Variants in TEX35 observed in about 807,000 individuals in gnomAD.
The protein encoded by TEX35 is testis expressed 35.
A neutral mutation model predicts 31.9 loss-of-function variants in TEX35; 26 were observed. The observed-to-expected ratio is 0.81, with a 90% CI of 0.60 to 1.13. The LOEUF is 1.13. Ranked by LOEUF, TEX35 falls within the 50% of genes most tolerant of loss-of-function variation. The pLI, the probability that TEX35 is intolerant of heterozygous loss-of-function variation, is 0.00. For missense variants in TEX35, 278 were observed against 273.5 expected (o/e 1.02, Z -0.12); for synonymous variants, 87 against 90.7 (o/e 0.96, Z 0.23).
At chr1:178,521,074 C>A in intron 7 of TEX35, 148 bp from the exon 8 acceptor site, 1 of 1,570,752 alleles carries the variant, frequency 6.4e-7, no homozygotes, top group Non-Finnish European at 8.6e-7. Flanking sequence ...TGTGACCATG[C>A]AGGACTTGAC....
rs561267951 is a variant in TEX35 at position 178,521,673 on chromosome 1, G to A, written c.586+409G>A. 2.1e-5 allele frequency: 33 copies of A among 1,551,980 alleles called. 2 individuals are homozygous for A. The South Asian group carries it at 2.7e-4, about 13-fold the overall frequency. On this transcript the variant is annotated intron_variant, in intron 8 of 8. Transcript: ENST00000319416. ...ATCGAATATGTGTTTCCAACCTAGCGCAGCTGCAGAACCTACCAGCAGTTC... is the reference window on the plus strand; with the variant it reads ...ATCGAATATGTGTTTCCAACCTAGCACAGCTGCAGAACCTACCAGCAGTTC...
intron 2 of TEX35, 68 bp from the exon 3 acceptor site, chr1:178,514,632 T>C: frequency 2.0e-6 from 3 of 1,485,124 alleles, no homozygotes; most frequent in Non-Finnish European, 2.8e-6. Context: ...GGGGGATCTC[T>C]TCTGCCTCTG....
rs73040014 is a variant in TEX35, at chr1:178,520,597, G to A, written c.342-76G>A. ...GAGTCAAGGCCTTCCATGGCCACCC[G>A]TGTACTGGTTATCTCCTTGTCATGC... On this transcript the variant is annotated intron_variant, in intron 6 of 8. Coordinates refer to ENST00000319416, the MANE Select transcript of TEX35 (RefSeq NM_032126.5). 5,334 of 1,591,832 alleles carry A rather than the reference G, an allele frequency of 3.4e-3. 151 individuals are homozygous for A. The African/African-American group carries it at 0.063, about 19-fold the overall frequency.
At chr1:178,521,645 G>A (rs1650282987) in intron 8 of TEX35, 2 of 1,552,140 alleles carry the variant, frequency 1.3e-6, no homozygotes, top group African/African-American at 2.7e-5. Flanking sequence ...CAACCCCGGT[G>A]ACATCGAATA....
At position 178,520,649 on chromosome 1, in the gene TEX35, C is replaced by T. The variant is rs377167543; in HGVS notation, c.342-24C>T. 3.1e-6 allele frequency: 5 copies of T among 1,610,886 alleles called. No individual in the cohort carries two copies. The African/African-American group carries it at 4.0e-5, about 13-fold the overall frequency. On this transcript the variant is annotated intron_variant, in intron 6 of 8. Coordinates refer to ENST00000319416, the MANE Select transcript of TEX35 (RefSeq NM_032126.5). ...GCAAAATGTCTCCCCAACTCTCTGC[C>T]CCTCCCTGGCCCTCCTCCCCCAGTC...
At position 178,514,040 on chromosome 1, in the gene TEX35, A is replaced by AG; in HGVS notation, c.55dup (p.Ala19GlyfsTer15). On this transcript the variant is annotated frameshift_variant, in exon 2 of 9. Transcript: ENST00000319416. LOFTEE classifies it high-confidence loss of function. ...CTCTTTTTGCAGAGCAAGAACTACA[A>AG]GGCAGTTTGCCTGGAATTGAAGCCA... The AG allele has an allele frequency of 6.2e-7, 1 of 1,614,170 alleles. No individual in the cohort carries two copies. The highest frequency in any genetic ancestry group is 8.5e-7 in the Non-Finnish European group (1 of 1,180,030).
intron 5 of TEX35, among the ~76,000 whole-genome samples, chr1:178,519,885 G>A (rs115022160): frequency 8.3e-4 from 127 of 152,260 alleles, no homozygotes; most frequent in African/African-American, 2.8e-3. Context: ...TACGTGTGAT[G>A]TATCCCTTTA....
At chr1:178,521,088 G>A (rs1217014455) in intron 7 of TEX35, 134 bp from the exon 8 acceptor site, 37 of 1,583,286 alleles carry the variant, frequency 2.3e-5, no homozygotes, top group Non-Finnish European at 3.2e-5. Flanking sequence ...ACTTGACCCT[G>A]GATGGGCCTA....
chr1:178,514,933 G>A (rs947848657), intron 3 of TEX35, among the ~76,000 whole-genome samples, 165 bp downstream of exon 3: 3 of 152,138 alleles, frequency 2.0e-5, no homozygotes, highest in Non-Finnish European at 4.4e-5. Context: ...CTCATCTATA[G>A]CCCTTGTTCT....
At chr1:178,517,427 C>T (rs1311627837) in intron 5 of TEX35, among the ~76,000 whole-genome samples, 3 of 152,298 alleles carry the variant, frequency 2.0e-5, no homozygotes, top group Non-Finnish European at 4.4e-5. Context: ...CTTAAAACTC[C>T]GTTTAGATTC....
Position 178,520,747 on chromosome 1 carries a change from G to A in TEX35, c.416G>A (p.Arg139Lys). The A allele has an allele frequency of 6.2e-7, 1 of 1,614,126 alleles. No individual in the cohort carries two copies. Among genetic ancestry groups the A allele is most frequent in the South Asian group, 1.1e-5 (1 of 91,066 alleles). The change falls in exon 7 of 9, where the codon AGG becomes AAG. Residue 139 changes from arginine (R) to lysine (K), a missense_variant. Coordinates refer to ENST00000319416, the MANE Select transcript of TEX35 (RefSeq NM_032126.5). ...AAGACTCACAGAGAACCACAGCTCA[G>A]GCCCAAGAAAATGGATGGAGCCAGT... Reference protein sequence around the residue: ...MGKTHREPQLRPKKMDGASGV... With the variant: ...MGKTHREPQLKPKKMDGASGV...
In TEX35 at chr1:178,520,294, G is replaced by C. The variant is rs1650217704; in HGVS notation, c.277-78G>C. 1.6e-5 allele frequency: 23 copies of C among 1,422,916 alleles called. No individual in the cohort carries two copies. The South Asian group carries it at 2.8e-4, about 17-fold the overall frequency. The allele number at this position is 1,422,916 out of a possible 1,614,324, so 88.1% of individuals were successfully genotyped here. On this transcript the variant is annotated intron_variant, in intron 5 of 8. Coordinates refer to ENST00000319416, the MANE Select transcript of TEX35 (RefSeq NM_032126.5). ...TTCTTGAGGAAGTAAGATGCAGAAT[G>C]GTTTGCAGAGAGGCAGGAGGAAGGT...
chr1:178,521,151 G>A, intron 7 of TEX35, 71 bp from the exon 8 acceptor site: 1 of 1,608,426 alleles, frequency 6.2e-7, no homozygotes, highest in African/African-American at 1.3e-5. Context: ...GGGCAGATAA[G>A]GTGCCTAGCA....
At chr1:178,519,143 A>C (rs569201056) in intron 5 of TEX35, among the ~76,000 whole-genome samples, 1 of 152,222 alleles carries the variant, frequency 6.6e-6, no homozygotes, top group African/African-American at 2.4e-5. Flanking sequence ...GGGCCCAGGG[A>C]GCAGGTGGAG....
chr1:178,521,759 C>G (rs1446232698), intron 8 of TEX35: 1 of 1,551,648 alleles, frequency 6.4e-7, no homozygotes. Context: ...CTGTTAAATA[C>G]CACCCCAACC....
chr1:178,513,942 G>T, intron 1 of TEX35, 85 bp from the exon 2 acceptor site: 1 of 1,514,876 alleles, frequency 6.6e-7, no homozygotes, highest in South Asian at 1.3e-5. Flanking sequence ...GGGGGCAGGG[G>T]GCAGGGTTCC....
In TEX35 at chr1:178,513,111, C is replaced by A; in HGVS notation, c.-78C>A. On this transcript the variant is annotated 5_prime_UTR_variant, in exon 1 of 9. Coordinates refer to ENST00000319416, the MANE Select transcript of TEX35 (RefSeq NM_032126.5). Reference sequence around the variant, plus strand: ...GGTGGTCACCCTGCCCTCACCTTGACCTGTAAGTTGCCTAGGACAGTGGCC... The same window carrying A: ...GGTGGTCACCCTGCCCTCACCTTGAACTGTAAGTTGCCTAGGACAGTGGCC... 1 of 1,493,648 alleles carries A rather than the reference C, an allele frequency of 6.7e-7. No individual in the cohort carries two copies. The highest frequency in any genetic ancestry group is 9.3e-7 in the Non-Finnish European group (1 of 1,072,038). The allele number at this position is 1,493,648 out of a possible 1,614,324, so 92.5% of individuals were successfully genotyped here.
At position 178,522,363 on chromosome 1, in the gene TEX35, G is replaced by A; in HGVS notation, c.625G>A (p.Gly209Arg). The change falls in exon 9 of 9, where the codon GGA (glycine) becomes AGA (arginine). Residue 209 changes from glycine to arginine, a missense_variant. By Grantham distance (125) the Gly-to-Arg change is moderately radical. Coordinates refer to ENST00000319416, the MANE Select transcript of TEX35 (RefSeq NM_032126.5). ...AGAGGCCTCAGGCCTTTACAAAGGTGGAGAGGAGCCAGTGACCACCCAACC... is the reference window on the plus strand; with the variant it reads ...AGAGGCCTCAGGCCTTTACAAAGGTAGAGAGGAGCCAGTGACCACCCAACC... ...PSEASGLYKG[G>R]EEPVTTQPSV... 6.2e-7 allele frequency: 1 copy of A among 1,606,270 alleles called. No individual in the cohort carries two copies. Among genetic ancestry groups the A allele is most frequent in the Non-Finnish European group, 8.5e-7 (1 of 1,176,102 alleles).
chr1:178,518,878 A>C (rs1650171382), intron 5 of TEX35, among the ~76,000 whole-genome samples: 1 of 152,034 alleles, frequency 6.6e-6, no homozygotes, highest in Non-Finnish European at 1.5e-5. Context: ...AGGCAGGAGG[A>C]GTATGTTGTA....
Sources: gnomAD v4.1 joint callset for allele counts (sites outside exome capture counted in the v4.1 genomes callset) on GRCh38, gnomAD v4.1.1 for gene constraint, MANE v1.5 for transcripts, NCBI Gene and HGNC (gene_info 2026-07-23, HGNC 2026-07-21) for gene names.